Variants in MTUS1 observed in about 807,000 individuals in gnomAD.
MTUS1 encodes the protein microtubule associated scaffold protein 1, also known as microtubule-associated tumor suppressor 1.
Under a neutral mutation model 120.8 loss-of-function variants are expected in MTUS1, and 109 were observed. That is an observed-to-expected ratio of 0.90 (90% confidence interval 0.77 to 1.06). The LOEUF (loss-of-function observed/expected upper bound fraction) is 1.06, where lower values mean the gene tolerates loss of function less well. MTUS1 is among the 50% of genes least tolerant of loss of function. The probability of loss-of-function intolerance (pLI) is 0.00; values close to 1 mark genes in which losing one functional copy is unlikely to be tolerated. For missense variants in MTUS1, 2,210 were observed against 1,486.3 expected, an observed-to-expected ratio of 1.49 and a Z score of -8.01; for synonymous variants, 737 against 550.5, an observed-to-expected ratio of 1.34 and a Z score of -4.74.
At chr8:17,662,094 T>C (rs1257632330) in intron 8 of MTUS1, among the ~76,000 whole-genome samples, 6 of 152,118 alleles carry the variant, frequency 3.9e-5, no homozygotes, top group Admixed American at 1.3e-4. Context: ...TTTTAGGCCA[T>C]GGACTTTCCT....
chr8:17,798,204 G>A (rs2052400482), intron 1 of MTUS1, among the ~76,000 whole-genome samples: 1 of 152,130 alleles, frequency 6.6e-6, no homozygotes, highest in Non-Finnish European at 1.5e-5. Flanking sequence ...TTCAAAGGAT[G>A]TTGTTCCTAA....
chr8:17,717,098 T>C (rs1822485021), intron 4 of MTUS1, among the ~76,000 whole-genome samples: 1 of 152,170 alleles, frequency 6.6e-6, no homozygotes, highest in African/African-American at 2.4e-5. Context: ...CATTCAAACT[T>C]TGTACAGGCG....
intron 1 of MTUS1, among the ~76,000 whole-genome samples, chr8:17,797,536 C>T (rs2052344163): frequency 6.6e-6 from 1 of 152,162 alleles, no homozygotes; most frequent in South Asian, 2.1e-4. Flanking sequence ...GTAGGCTTTT[C>T]GGGGCCAGAT....
chr8:17,721,484 C>T (rs2045837714), intron 4 of MTUS1, among the ~76,000 whole-genome samples: 2 of 152,086 alleles, frequency 1.3e-5, no homozygotes, highest in South Asian at 4.1e-4. Flanking sequence ...AGAACATTAA[C>T]GATGCTGCTG....
intron 8 of MTUS1, among the ~76,000 whole-genome samples, chr8:17,667,300 A>G (rs1388281025): frequency 6.6e-6 from 1 of 152,238 alleles, no homozygotes; most frequent in African/African-American, 2.4e-5. Context: ...GTTGGTTTTC[A>G]GTATATTAAT....
At chr8:17,789,016 C>T (rs943604892) in intron 1 of MTUS1, among the ~76,000 whole-genome samples, 2 of 151,538 alleles carry the variant, frequency 1.3e-5, no homozygotes, top group African/African-American at 4.9e-5. Context: ...GATGTACAGA[C>T]TGTGCATGCT....
At chr8:17,715,027 T>C (rs1229832417) in intron 5 of MTUS1, among the ~76,000 whole-genome samples, 1 of 144,652 alleles carries the variant, frequency 6.9e-6, no homozygotes, top group South Asian at 2.3e-4. Context: ...TGCCTCAGCC[T>C]CATGAGTAGC....
intron 8 of MTUS1, chr8:17,664,134 C>G (rs541176889): frequency 2.6e-5 from 4 of 152,150 alleles, no homozygotes; most frequent in Non-Finnish European, 5.9e-5. Context: ...TTGCTGGCCT[C>G]GTATTCAAAT....
intron 12 of MTUS1, 26 bp downstream of exon 12, chr8:17,653,160 C>T: frequency 7.4e-7 from 1 of 1,344,140 alleles, no homozygotes; most frequent in South Asian, 1.4e-5. Flanking sequence ...AAATTCCATA[C>T]TGATAAAGGA....
chr8:17,706,177 G>T (rs549003901), intron 6 of MTUS1: 3 of 151,966 alleles, frequency 2.0e-5, no homozygotes, highest in African/African-American at 7.2e-5. Flanking sequence ...GTAAAAGATC[G>T]CCATCATTAC....
chr8:17,755,296 G>C lies in MTUS1; in HGVS notation c.512C>G (p.Thr171Ser), dbSNP rs773216790. Reference sequence around the variant, plus strand: ...TCCGATGGCATGATGTGATATAAAGGTGCAGTTAACTTTATCCACTGTCAT... The same window carrying C: ...TCCGATGGCATGATGTGATATAAAGCTGCAGTTAACTTTATCCACTGTCAT... ...FDMTVDKVNCTFISHHAIGKS... is the reference protein window; with the variant it reads ...FDMTVDKVNCSFISHHAIGKS... Residue 171 changes from threonine to serine, a missense_variant, in exon 2 of 15, where the codon ACC becomes AGC. Thr to Ser is a moderately conservative substitution (Grantham distance 58). Coordinates refer to ENST00000693296, the MANE Select transcript of MTUS1 (RefSeq NM_001363059.2). 1 of 1,614,098 alleles carries C rather than the reference G, an allele frequency of 6.2e-7. No homozygotes were observed. The highest frequency in any genetic ancestry group is 8.5e-7 in the Non-Finnish European group (1 of 1,179,976).
At position 17,767,877 on chromosome 8, in the gene MTUS1, G is replaced by A. The variant is rs145381245; in HGVS notation, c.-154-11916C>T. 5.0e-3 allele frequency among the ~76,000 whole-genome samples: 766 copies of A among 152,170 alleles called. 3 individuals are homozygous for A. The highest frequency in any genetic ancestry group is 0.018 in the African/African-American group (727 of 41,496). The stretch of plus-strand genomic sequence containing the variant: ...GAGTTATGATGGAGACTGATGCTTC[G>A]AATTGGCTAAAGGTGGAAGATGTCC... On this transcript the variant is annotated intron_variant, in intron 1 of 14. Transcript: ENST00000693296.
At chr8:17,673,396 C>T (rs1480589797) in intron 8 of MTUS1, among the ~76,000 whole-genome samples, 1 of 152,154 alleles carries the variant, frequency 6.6e-6, no homozygotes, top group Non-Finnish European at 1.5e-5. Context: ...TATTAAGAAT[C>T]TGGACGGTTA....
At chr8:17,751,388 G>T (rs755267440) in intron 2 of MTUS1, among the ~76,000 whole-genome samples, 1 of 152,120 alleles carries the variant, frequency 6.6e-6, no homozygotes, top group Non-Finnish European at 1.5e-5. Context: ...GTGACCAACC[G>T]ACATTCATGT....
intron 3 of MTUS1, among the ~76,000 whole-genome samples, chr8:17,731,192 T>A (rs938383508): frequency 1.3e-5 from 2 of 152,216 alleles, no homozygotes; most frequent in East Asian, 3.8e-4. Context: ...GGTATTAAGA[T>A]ATTTGAATTG....
chr8:17,664,648 G>T (rs73573036), intron 8 of MTUS1, among the ~76,000 whole-genome samples: 9,247 of 151,972 alleles, frequency 0.061, 481 homozygotes, highest in East Asian at 0.24. Flanking sequence ...AAACAGAACT[G>T]TCACTTCTCT....
chr8:17,693,377 A>G (rs1817332984), intron 6 of MTUS1: 1 of 152,150 alleles, frequency 6.6e-6, no homozygotes, highest in African/African-American at 2.4e-5. Flanking sequence ...TTTAAAGAGG[A>G]AAGATAACCT....
At chr8:17,696,242 T>C (rs1426070613) in intron 6 of MTUS1, among the ~76,000 whole-genome samples, 2 of 151,944 alleles carry the variant, frequency 1.3e-5, no homozygotes, top group Admixed American at 6.5e-5. Flanking sequence ...AGGGGAGTTA[T>C]GAAACACGAG....
intron 7 of MTUS1, among the ~76,000 whole-genome samples, chr8:17,678,116 G>C (rs971839044): frequency 6.6e-6 from 1 of 152,106 alleles, no homozygotes. Context: ...TGCCCATACT[G>C]TAAAAGACAC....
Sources: gnomAD v4.1 joint callset for allele counts (sites outside exome capture counted in the v4.1 genomes callset) on GRCh38, gnomAD v4.1.1 for gene constraint, MANE v1.5 for transcripts, NCBI Gene and HGNC (gene_info 2026-07-23, HGNC 2026-07-21) for gene names.